DEPTOR: variants seen among roughly 807,000 people sequenced by gnomAD.
The protein encoded by DEPTOR is DEP domain-containing mTOR-interacting protein.
DEPTOR carries 41 observed loss-of-function variants against 41.6 expected under a neutral mutation model. The observed-to-expected ratio is 0.98, with a 90% CI of 0.77 to 1.28. The LOEUF (loss-of-function observed/expected upper bound fraction) is 1.28. DEPTOR is among the 50% of genes most tolerant of loss of function. DEPTOR has a pLI of 0.00. For missense variants in DEPTOR, 514 were observed against 527.9 expected, an observed-to-expected ratio of 0.97 and a Z score of 0.26; for synonymous variants, 195 against 192.3, an observed-to-expected ratio of 1.01 and a Z score of -0.12.
chr8:119,908,671 T>C (rs566501448), intron 1 of DEPTOR, among the ~76,000 whole-genome samples: 18 of 152,298 alleles, frequency 1.2e-4, no homozygotes, highest in African/African-American at 3.9e-4. Flanking sequence ...TGGCTAATTT[T>C]TGTATTTTTA....
intron 8 of DEPTOR, among the ~76,000 whole-genome samples, chr8:120,038,354 C>T (rs1445474019): frequency 1.3e-5 from 2 of 151,350 alleles, no homozygotes; most frequent in Non-Finnish European, 2.9e-5. Context: ...AATCCCAGCA[C>T]TTTGGGAGGC....
chr8:119,932,254 G>T (rs879584263), intron 3 of DEPTOR, among the ~76,000 whole-genome samples: 2 of 151,938 alleles, frequency 1.3e-5, no homozygotes, highest in Non-Finnish European at 2.9e-5. Context: ...CAAAGCACTG[G>T]GACTACAGCC....
chr8:119,928,611 A>G (rs1563968264), intron 2 of DEPTOR, 33 bp downstream of exon 2: 1 of 1,602,970 alleles, frequency 6.2e-7, no homozygotes, highest in East Asian at 2.2e-5. Context: ...GTGACTTGAG[A>G]GAAATGGAAG....
chr8:120,044,549 G>T (rs1189500331), intron 8 of DEPTOR, among the ~76,000 whole-genome samples: 1 of 152,196 alleles, frequency 6.6e-6, no homozygotes, highest in African/African-American at 2.4e-5. Flanking sequence ...GAGTCTGACT[G>T]GCCAAGCTTA....
At chr8:120,009,272 A>G in intron 8 of DEPTOR, 139 bp downstream of exon 8, 2 of 759,110 alleles carry the variant, frequency 2.6e-6, no homozygotes, top group Non-Finnish European at 4.2e-6. Context: ...CTTGTTCTCC[A>G]AAGTCTTTAA....
chr8:119,903,161 C>T lies in DEPTOR; in HGVS notation c.123-25239C>T, dbSNP rs550817235. On this transcript the variant is annotated intron_variant, in intron 1 of 8. Coordinates refer to ENST00000286234, the MANE Select transcript of DEPTOR (RefSeq NM_022783.4). ...TTGCCCAGGCTGGAGTGCAATGGTG[C>T]GATCTCAGCTCACTGCAACCTCGGC... is the stretch of plus-strand genomic sequence containing the variant. Among the ~76,000 whole-genome samples, 298 of 152,194 alleles carry T rather than the reference C, an allele frequency of 2.0e-3. 2 individuals are homozygous for T. The highest frequency in any genetic ancestry group is 6.7e-3 in the African/African-American group (280 of 41,540).
intron 8 of DEPTOR, among the ~76,000 whole-genome samples, chr8:120,027,095 G>C (rs1175624122): frequency 2.0e-5 from 3 of 151,838 alleles, no homozygotes; most frequent in African/African-American, 7.3e-5. Flanking sequence ...ATGCATGCCT[G>C]TAATCCCAGC....
In DEPTOR at chr8:119,976,164, C is replaced by T. The variant is rs113494410; in HGVS notation, c.604+10754C>T. On this transcript the variant is annotated intron_variant, in intron 4 of 8. Coordinates refer to ENST00000286234, the MANE Select transcript of DEPTOR (RefSeq NM_022783.4). ...GGCATGAGCCACCACTCCCAGCCCC[C>T]TACTCATGCTCTCTGGTTTGCATTT... 2.3e-3 allele frequency among the ~76,000 whole-genome samples: 355 copies of T among 152,042 alleles called. 5 individuals are homozygous for T. Among genetic ancestry groups the T allele is most frequent in the African/African-American group, 8.3e-3 (344 of 41,502 alleles).
intron 3 of DEPTOR, among the ~76,000 whole-genome samples, chr8:119,950,789 G>A (rs1243027677): frequency 6.6e-6 from 1 of 152,010 alleles, no homozygotes; most frequent in Non-Finnish European, 1.5e-5. Flanking sequence ...GTAGAGATGG[G>A]GTTTTACCAT....
chr8:119,902,479 A>G (rs969776785), intron 1 of DEPTOR, among the ~76,000 whole-genome samples: 1 of 152,088 alleles, frequency 6.6e-6, no homozygotes, highest in Non-Finnish European at 1.5e-5. Flanking sequence ...AGCTGGGACT[A>G]CAGGCATGTG....
At position 119,884,116 on chromosome 8, in the gene DEPTOR, G is replaced by A. The variant is rs1351184124; in HGVS notation, c.122+10148G>A. On this transcript the variant is annotated intron_variant, in intron 1 of 8. Coordinates refer to ENST00000286234, the MANE Select transcript of DEPTOR (RefSeq NM_022783.4). ...TCTGTCGCCCAGCCTGGAGTGCAGT[G>A]GCATGATCTTGGCTCACCGCAACCT... is the stretch of plus-strand genomic sequence containing the variant. Among the ~76,000 whole-genome samples, 15 of 152,202 alleles carry A rather than the reference G, an allele frequency of 9.9e-5. 1 individual carries two copies. Among genetic ancestry groups the A allele is most frequent in the Admixed American group, 9.8e-4 (15 of 15,266 alleles).
intron 8 of DEPTOR, among the ~76,000 whole-genome samples, chr8:120,012,814 C>T (rs928616548): frequency 2.0e-5 from 3 of 151,590 alleles, no homozygotes; most frequent in Non-Finnish European, 2.9e-5. Context: ...GGATTACAAG[C>T]GTGAGCCACC....
At chr8:120,033,904 T>C (rs905140611) in intron 8 of DEPTOR, among the ~76,000 whole-genome samples, 5 of 152,156 alleles carry the variant, frequency 3.3e-5, no homozygotes, top group South Asian at 2.1e-4. Flanking sequence ...AATATGGCTA[T>C]GTACTGGTAG....
chr8:119,999,298 T>A, intron 4 of DEPTOR, among the ~76,000 whole-genome samples: 1 of 147,312 alleles, frequency 6.8e-6, no homozygotes, highest in Non-Finnish European at 1.5e-5. Flanking sequence ...AAAAAGGAAA[T>A]AAAATAATGG....
chr8:119,946,270 C>T (rs1480883278), intron 3 of DEPTOR, among the ~76,000 whole-genome samples: 1 of 152,014 alleles, frequency 6.6e-6, no homozygotes, highest in Non-Finnish European at 1.5e-5. Flanking sequence ...ATCTGAATAA[C>T]ATTTTTAACT....
At position 119,991,347 on chromosome 8, in the gene DEPTOR, G is replaced by A. The variant is rs190352031; in HGVS notation, c.605-10178G>A. ...TTGTTGTTTTTTGAAACAGTGTCTC[G>A]CTCTGTTTCCCAGGCTGGAGTGCAG... On this transcript the variant is annotated intron_variant, in intron 4 of 8. Transcript: ENST00000286234. Among the ~76,000 whole-genome samples, 124 of 151,772 alleles carry A rather than the reference G, an allele frequency of 8.2e-4. 1 individual carries two copies. Among genetic ancestry groups the A allele is most frequent in the African/African-American group, 2.5e-3 (105 of 41,400 alleles).
chr8:120,025,358 AT>A (rs1173805808), intron 8 of DEPTOR, among the ~76,000 whole-genome samples: 7 of 147,286 alleles, frequency 4.8e-5, no homozygotes, highest in East Asian at 2.0e-4. Flanking sequence ...TCCACCCACC[AT>A]TTTTTTTTTC....
At chr8:119,950,363 G>C (rs1271873337) in intron 3 of DEPTOR, among the ~76,000 whole-genome samples, 2 of 152,018 alleles carry the variant, frequency 1.3e-5, no homozygotes. Context: ...AGTTCCTACT[G>C]ATCATTGTGT....
chr8:119,939,095 C>G (rs1396401854), intron 3 of DEPTOR, among the ~76,000 whole-genome samples: 5 of 152,106 alleles, frequency 3.3e-5, no homozygotes. Flanking sequence ...ATAAAGCAAA[C>G]TCAGTGTTTT....
Sources: allele counts gnomAD v4.1 joint callset (sites outside exome capture counted in the v4.1 genomes callset), GRCh38; gene constraint gnomAD v4.1.1; transcripts MANE v1.5; gene names NCBI Gene and HGNC (gene_info 2026-07-23, HGNC 2026-07-21).